Variants in KRI1 observed in about 807,000 individuals in gnomAD.
The protein encoded by KRI1 is KRI1 homolog, also known as protein KRI1 homolog.
Under a neutral mutation model 97.0 loss-of-function variants are expected in KRI1, and 83 were observed. The ratio of observed to expected loss-of-function variants is 0.86; its 90% confidence interval spans 0.72 to 1.03. KRI1 has a LOEUF of 1.03. Among genes scored for constraint, KRI1 ranks in the 50% least tolerant of loss-of-function variants. The pLI is 0.00. For synonymous variants in KRI1, 371 were observed against 363.5 expected (o/e 1.02, Z -0.23); for missense variants, 916 against 928.4 (o/e 0.99, Z 0.17).
rs1290773280 is a variant in KRI1, at chr19:10,555,101, T to G, written c.1767A>C (p.Ser589=). The change falls in exon 18 of 19, where the codon TCA becomes TCC. Residue 589 remains serine, a synonymous_variant. Coordinates refer to ENST00000312962, the MANE Select transcript of KRI1 (RefSeq NM_023008.5). ...GCACTGCTTACTCTTCTCGGCAGAGTGACTTGAAGACCTGCCGCTTTTTCC... is the reference window on the plus strand; with the variant it reads ...GCACTGCTTACTCTTCTCGGCAGAGGGACTTGAAGACCTGCCGCTTTTTCC... ...NSWKKRQVFK[S]LCREEAETPA... 1 of 1,613,754 alleles carries G rather than the reference T, an allele frequency of 6.2e-7. No individual in the cohort carries two copies. The highest frequency in any genetic ancestry group is 8.5e-7 in the Non-Finnish European group (1 of 1,179,888).
In KRI1 at chr19:10,554,134, C is replaced by T. The variant is rs745872108; in HGVS notation, c.1929G>A (p.Lys643=). The change falls in exon 19 of 19, where the codon AAG becomes AAA. Residue 643 remains lysine (K), a synonymous_variant. Coordinates refer to ENST00000312962, the MANE Select transcript of KRI1 (RefSeq NM_023008.5). ...CCCTCCTCCGCTTCTGGGGGGCTGG[C>T]TTCTTGTGGGGTGATACAGGGGCTT... ...EEEAPVSPHK[K]PAPQKRRRAK... 1.2e-6 allele frequency: 2 copies of T among 1,614,150 alleles called. No individual in the cohort carries two copies. The highest frequency in any genetic ancestry group is 1.7e-5 in the Admixed American group (1 of 60,018).
chr19:10,562,662 C>T (rs1916735657), intron 4 of KRI1, 67 bp downstream of exon 4: 8 of 932,872 alleles, frequency 8.6e-6, no homozygotes, highest in Middle Eastern at 2.2e-4. Flanking sequence ...CCTCTCCTGC[C>T]CCTAAGACCC....
At chr19:10,554,546 T>C (rs962271253) in intron 18 of KRI1, among the ~76,000 whole-genome samples, 3 of 152,116 alleles carry the variant, frequency 2.0e-5, no homozygotes, top group African/African-American at 7.2e-5. Context: ...TAACTCATTT[T>C]AGCCTTTTTC....
chr19:10,554,403 G>A (rs888620170), intron 18 of KRI1, 122 bp from the exon 19 acceptor site: 12 of 823,364 alleles, frequency 1.5e-5, no homozygotes, highest in Admixed American at 1.1e-4. Context: ...CACAGCGACC[G>A]AGGGCCTGCC....
At chr19:10,561,302 G>T in intron 6 of KRI1, 37 bp from the exon 7 acceptor site, 3 of 1,566,042 alleles carry the variant, frequency 1.9e-6, no homozygotes, top group Non-Finnish European at 8.8e-7. Flanking sequence ...GGACAGGCAG[G>T]CTGGCCCCTG....
rs752755108 is a variant in KRI1, at chr19:10,560,323, C to T, written c.789G>A (p.Glu263=). The stretch of plus-strand genomic sequence containing the variant: ...ATGCAGTGGCTCACCCCTCCTCTTC[C>T]TCCATTTCCTCTTCATCTTCCTCCT... ...EEEEEDEEEM[E]EEEGVHGPPV... is the part of the protein sequence containing the mutation. The change falls in exon 9 of 19, where the codon GAG becomes GAA. Residue 263 remains glutamate (E), a synonymous_variant. Coordinates refer to ENST00000312962, the MANE Select transcript of KRI1 (RefSeq NM_023008.5). 6 of 1,609,536 alleles carry T rather than the reference C, an allele frequency of 3.7e-6. No individual in the cohort carries two copies. The Admixed American group carries it at 5.0e-5, about 14-fold the overall frequency.
rs1349844926 is a variant in KRI1, at chr19:10,562,752, C to A, written c.360G>T (p.Arg120Ser). The A allele has an allele frequency of 1.4e-5, 22 of 1,607,524 alleles. No individual in the cohort carries two copies. The highest frequency in any genetic ancestry group is 1.9e-5 in the Non-Finnish European group (22 of 1,174,054). ...ACCCTGCCTTCTCCAAGATAACCTTCCTCTCGTAGTCCTTCAGGTACATGG... is the reference window on the plus strand; with the variant it reads ...ACCCTGCCTTCTCCAAGATAACCTTACTCTCGTAGTCCTTCAGGTACATGG... Reference protein sequence around the residue: ...VRPMYLKDYERKVILEKAGKY... With the variant: ...VRPMYLKDYESKVILEKAGKY... The change falls in exon 4 of 19, where the codon AGG (arginine) becomes AGT (serine). Residue 120 changes from arginine to serine, a missense_variant. Around this residue, in one of 3 missense-constraint regions of KRI1, gnomAD observed 71 missense variants for 108.1 expected, o/e 0.66. Transcript: ENST00000312962.
chr19:10,565,633 G>A lies in KRI1; in HGVS notation c.168+84C>T, dbSNP rs549568332. Reference sequence around the variant, plus strand: ...CCCGCAGGGCGCTCTGGGGTTGGGGGTTCCCCCCCGTCTACATCGGGGTCG... The same window carrying A: ...CCCGCAGGGCGCTCTGGGGTTGGGGATTCCCCCCCGTCTACATCGGGGTCG... On this transcript the variant is annotated intron_variant, in intron 2 of 18. Coordinates refer to ENST00000312962, the MANE Select transcript of KRI1 (RefSeq NM_023008.5). 4 of 1,465,896 alleles carry A rather than the reference G, an allele frequency of 2.7e-6. No individual in the cohort carries two copies. In the South Asian group the frequency reaches 5.3e-5, roughly 19 times the overall value. 90.8% of individuals were successfully genotyped at this position (1,465,896 alleles called of 1,614,324 possible). A position where few individuals can be genotyped will look rare whatever the true frequency, so the allele number is the denominator to read the frequency against.
chr19:10,565,166 C>CA (rs1916824607), intron 2 of KRI1, 132 bp from the exon 3 acceptor site: 2 of 673,950 alleles, frequency 3.0e-6, no homozygotes, highest in South Asian at 3.1e-5. Flanking sequence ...AACAGGTGGT[C>CA]AAACAGCAGG....
rs1424460782 is a variant in KRI1 at position 10,553,889 on chromosome 19, G to A, written c.*62C>T. ...TGCAGCAGATAGTACTTGTGGGTGC[G>A]AGACCTGTCCAGGGCTTGATTTGAG... On this transcript the variant is annotated 3_prime_UTR_variant, in exon 19 of 19. Coordinates refer to ENST00000312962, the MANE Select transcript of KRI1 (RefSeq NM_023008.5). 28 of 1,344,864 alleles carry A rather than the reference G, an allele frequency of 2.1e-5. No homozygotes were observed. Among genetic ancestry groups the A allele is most frequent in the East Asian group, 7.5e-5 (3 of 40,158 alleles). 83.3% of individuals were successfully genotyped at this position (1,344,864 alleles called of 1,614,324 possible).
chr19:10,559,624 G>A lies in KRI1; in HGVS notation c.1012C>T (p.Arg338Ter), dbSNP rs777874500. Residue 338 changes from arginine (R) to a stop codon, truncating the protein, a stop_gained, in exon 11 of 19, where the codon CGA becomes TGA. Coordinates refer to ENST00000312962, the MANE Select transcript of KRI1 (RefSeq NM_023008.5). LOFTEE classifies it high-confidence loss of function. The part of the protein sequence containing the change: ...RKEKREETRE[R>*]KKREKAKKQE... ...CCCCCCACACTCACCCTCTTCTTTCGCTCCCGAGTCTCTTCCCTCTTCTCC... is the reference window on the plus strand; with the variant it reads ...CCCCCCACACTCACCCTCTTCTTTCACTCCCGAGTCTCTTCCCTCTTCTCC... 6 of 1,613,698 alleles carry A rather than the reference G, an allele frequency of 3.7e-6. No homozygotes were observed. The highest frequency in any genetic ancestry group is 1.3e-5 in the African/African-American group (1 of 74,836).
At chr19:10,556,884 T>A (rs1351688821) in intron 16 of KRI1, among the ~76,000 whole-genome samples, 2 of 151,566 alleles carry the variant, frequency 1.3e-5, no homozygotes, top group Non-Finnish European at 2.9e-5. Flanking sequence ...ATGCCTGTAG[T>A]CCCAGCTACT....
At chr19:10,565,543 C>A in intron 2 of KRI1, 174 bp downstream of exon 2, 1 of 790,516 alleles carries the variant, frequency 1.3e-6, no homozygotes, top group Non-Finnish European at 1.9e-6. Context: ...GGGGATTTGG[C>A]TCCCCTGGGG....
At chr19:10,554,406 G>T in intron 18 of KRI1, 125 bp from the exon 19 acceptor site, 1 of 787,832 alleles carries the variant, frequency 1.3e-6, no homozygotes, top group Non-Finnish European at 2.0e-6. Flanking sequence ...AGCGACCGAG[G>T]GCCTGCCTGG....
rs1282632397 is a variant in KRI1 at position 10,555,353 on chromosome 19, C to T, written c.1618-4G>A. ...CCTTATCGTCAGCAGCGAGGATCTG[C>T]GTGGGAAGGGAGAGTGGGGACCTGC... On this transcript the variant is annotated splice_polypyrimidine_tract_variant and splice_region_variant and intron_variant, in intron 16 of 18. Coordinates refer to ENST00000312962, the MANE Select transcript of KRI1 (RefSeq NM_023008.5). The T allele has an allele frequency of 5.0e-6, 8 of 1,608,198 alleles. No individual in the cohort carries two copies. Among genetic ancestry groups the T allele is most frequent in the South Asian group, 2.2e-5 (2 of 90,818 alleles).
intron 5 of KRI1, 26 bp from the exon 6 acceptor site, chr19:10,561,742 G>A (rs1441092579): frequency 1.2e-6 from 2 of 1,613,964 alleles, no homozygotes; most frequent in Non-Finnish European, 1.7e-6. Flanking sequence ...TAGGTCTCAG[G>A]CCAGCCCCAG....
At chr19:10,559,216 G>C (rs1916612871) in intron 12 of KRI1, 143 bp downstream of exon 12, 2 of 808,070 alleles carry the variant, frequency 2.5e-6, no homozygotes, top group Non-Finnish European at 3.9e-6. Flanking sequence ...TGTTGGCCAG[G>C]CTGATCTCGA....
At chr19:10,557,929 C>T (rs1916564121) in intron 14 of KRI1, 34 bp from the exon 15 acceptor site, 2 of 1,613,776 alleles carry the variant, frequency 1.2e-6, no homozygotes, top group Non-Finnish European at 1.7e-6. Flanking sequence ...CCCACCAGCC[C>T]CCCGTCAGGG....
chr19:10,565,634 T>A lies in KRI1; in HGVS notation c.168+83A>T, dbSNP rs1369554699. 11 of 1,458,360 alleles carry A rather than the reference T, an allele frequency of 7.5e-6. No individual in the cohort carries two copies. In the South Asian group the frequency reaches 1.2e-4, roughly 16 times the overall value. The allele number at this position is 1,458,360 out of a possible 1,614,324, so 90.3% of individuals were successfully genotyped here. Reference sequence around the variant, plus strand: ...CCGCAGGGCGCTCTGGGGTTGGGGGTTCCCCCCCGTCTACATCGGGGTCGG... The same window carrying A: ...CCGCAGGGCGCTCTGGGGTTGGGGGATCCCCCCCGTCTACATCGGGGTCGG... On this transcript the variant is annotated intron_variant, in intron 2 of 18. Coordinates refer to ENST00000312962, the MANE Select transcript of KRI1 (RefSeq NM_023008.5).
Sources: allele counts gnomAD v4.1 joint callset (sites outside exome capture counted in the v4.1 genomes callset), GRCh38; gene constraint gnomAD v4.1.1; regional missense constraint gnomAD v4.1.1; transcripts MANE v1.5; gene names NCBI Gene and HGNC (gene_info 2026-07-23, HGNC 2026-07-21).